GFRA1: variants seen among roughly 807,000 people sequenced by gnomAD.
The protein encoded by GFRA1 is GDNF family receptor alpha-1.
In GFRA1, 16 loss-of-function variants were observed where a neutral mutation model predicts 51.6. The ratio of observed to expected loss-of-function variants is 0.31; its 90% CI spans 0.21 to 0.47. The LOEUF is 0.47. Among genes scored for constraint, GFRA1 ranks in the 20% least tolerant of loss-of-function variants. GFRA1 has a pLI of 1.00. For synonymous variants in GFRA1, 270 were observed against 241.3 expected (o/e 1.12, Z -1.10); for missense variants, 530 against 594.3 (o/e 0.89, Z 1.13).
chr10:116,172,775 G>A (rs184886089), intron 5 of GFRA1, among the ~76,000 whole-genome samples: 2 of 152,322 alleles, frequency 1.3e-5, no homozygotes, highest in African/African-American at 4.8e-5. Context: ...TCCTCACTGA[G>A]TGGGGCAGTC....
At chr10:116,234,843 G>A (rs1425014835) in intron 4 of GFRA1, among the ~76,000 whole-genome samples, 2 of 152,268 alleles carry the variant, frequency 1.3e-5, no homozygotes, top group East Asian at 3.9e-4. Flanking sequence ...GACCCGATGG[G>A]AGGTAATTTA....
intron 6 of GFRA1, among the ~76,000 whole-genome samples, chr10:116,113,747 G>T (rs1010381804): frequency 9.2e-5 from 14 of 152,238 alleles, no homozygotes; most frequent in African/African-American, 3.4e-4. Context: ...CATTGCCTTT[G>T]GTTCCAGCGG....
At chr10:116,207,319 A>AGTTT (rs1193005110) in intron 5 of GFRA1, among the ~76,000 whole-genome samples, 2 of 147,526 alleles carry the variant, frequency 1.4e-5, no homozygotes, top group African/African-American at 5.2e-5. Flanking sequence ...AGATGAGTTC[A>AGTTT]GTTTGTTTGT....
chr10:116,095,901 G>A (rs1294686508), intron 7 of GFRA1, among the ~76,000 whole-genome samples: 4 of 152,012 alleles, frequency 2.6e-5, no homozygotes, highest in South Asian at 2.1e-4. Context: ...CAGTTGAGAT[G>A]AGCCCTGCCA....
intron 6 of GFRA1, among the ~76,000 whole-genome samples, chr10:116,109,518 G>A (rs1011221533): frequency 2.0e-5 from 3 of 152,224 alleles, no homozygotes; most frequent in Non-Finnish European, 2.9e-5. Flanking sequence ...ACACAGCTAG[G>A]AGGGGAAATC....
intron 4 of GFRA1, among the ~76,000 whole-genome samples, chr10:116,213,021 A>G (rs1351427389): frequency 6.6e-6 from 1 of 152,228 alleles, no homozygotes; most frequent in Non-Finnish European, 1.5e-5. Flanking sequence ...CAGCAGAGAT[A>G]CAGACAGTAC....
At chr10:116,199,486 T>C (rs984790813) in intron 5 of GFRA1, among the ~76,000 whole-genome samples, 5 of 152,224 alleles carry the variant, frequency 3.3e-5, no homozygotes, top group African/African-American at 1.2e-4. Flanking sequence ...AATTTTACAA[T>C]GAACACTCAT....
At chr10:116,133,101 T>A (rs986085953) in intron 5 of GFRA1, among the ~76,000 whole-genome samples, 36 of 152,156 alleles carry the variant, frequency 2.4e-4, no homozygotes, top group African/African-American at 8.7e-4. Flanking sequence ...GGACGCTGTC[T>A]GAATGGGAAG....
At chr10:116,091,298 A>T (rs180972282) in intron 8 of GFRA1, among the ~76,000 whole-genome samples, 1 of 152,380 alleles carries the variant, frequency 6.6e-6, no homozygotes, top group East Asian at 1.9e-4. Flanking sequence ...GTGAACAACA[A>T]CATCAACAAA....
chr10:116,107,892 T>C (rs1019221655), intron 6 of GFRA1, among the ~76,000 whole-genome samples: 8 of 152,212 alleles, frequency 5.3e-5, no homozygotes, highest in Admixed American at 5.2e-4. Flanking sequence ...TAAAATGGCA[T>C]GGGTTCTCTT....
At chr10:116,269,759 C>T (rs1177087265) in intron 3 of GFRA1, among the ~76,000 whole-genome samples, 173 bp from the exon 4 acceptor site, 1 of 152,144 alleles carries the variant, frequency 6.6e-6, no homozygotes, top group Non-Finnish European at 1.5e-5. Flanking sequence ...TCATTCCCTC[C>T]GCCTTTGTTG....
chr10:116,244,300 G>T (rs59109132), intron 4 of GFRA1, among the ~76,000 whole-genome samples: 8 of 148,190 alleles, frequency 5.4e-5, no homozygotes, highest in African/African-American at 2.0e-4. Context: ...TCAAAAAGAA[G>T]AAAAATTATA....
At chr10:116,219,687 G>C (rs1048258142) in intron 4 of GFRA1, among the ~76,000 whole-genome samples, 5 of 152,156 alleles carry the variant, frequency 3.3e-5, no homozygotes, top group Non-Finnish European at 2.9e-5. Context: ...ATTAATTGGA[G>C]TATTAATTAG....
chr10:116,119,041 G>A (rs927078605), intron 6 of GFRA1, among the ~76,000 whole-genome samples: 1 of 152,204 alleles, frequency 6.6e-6, no homozygotes, highest in Non-Finnish European at 1.5e-5. Flanking sequence ...GCTCCTGCCT[G>A]GTCCAGGGCT....
At chr10:116,088,140 G>C (rs192301110) in intron 9 of GFRA1, among the ~76,000 whole-genome samples, 1 of 152,114 alleles carries the variant, frequency 6.6e-6, no homozygotes, top group Admixed American at 6.5e-5. Context: ...GATGAATGGC[G>C]TGGAGGACAC....
intron 5 of GFRA1, among the ~76,000 whole-genome samples, chr10:116,170,742 T>A (rs1292399661): frequency 1.3e-5 from 2 of 152,206 alleles, no homozygotes; most frequent in Non-Finnish European, 2.9e-5. Context: ...ACACTGTTTA[T>A]GTAAATGTAA....
intron 9 of GFRA1, among the ~76,000 whole-genome samples, chr10:116,084,526 G>T (rs1956000723): frequency 6.6e-6 from 1 of 152,100 alleles, no homozygotes; most frequent in African/African-American, 2.4e-5. Context: ...GGTCTGTCAC[G>T]CATTTCCAGG....
chr10:116,259,322 TCC>T (rs1491358943), intron 4 of GFRA1, among the ~76,000 whole-genome samples: 2 of 35,660 alleles, frequency 5.6e-5, no homozygotes, highest in African/African-American at 1.7e-4. Context: ...AACTATGTAT[TCC>T]TTTTTTTTTT....
chr10:116,250,547 A>C (rs550592954), intron 4 of GFRA1, among the ~76,000 whole-genome samples: 3 of 152,352 alleles, frequency 2.0e-5, no homozygotes, highest in Admixed American at 2.0e-4. Flanking sequence ...CTATCATTTA[A>C]GGATTACATT....
Sources: allele counts gnomAD v4.1 joint callset (sites outside exome capture counted in the v4.1 genomes callset), GRCh38; gene constraint gnomAD v4.1.1; transcripts MANE v1.5; gene names NCBI Gene and HGNC (gene_info 2026-07-23, HGNC 2026-07-21).